Variants in RAPGEF4 observed in about 807,000 individuals in gnomAD.
The protein encoded by RAPGEF4 is RAP guanine-nucleotide-exchange factor (GEF) 4.
RAPGEF4 carries 66 observed loss-of-function variants against 147.9 expected under a neutral mutation model. That is an observed-to-expected ratio of 0.45 (90% CI 0.37 to 0.55). The LOEUF (loss-of-function observed/expected upper bound fraction) is 0.55. Ranked by LOEUF, RAPGEF4 falls within the 20% of genes least tolerant of loss-of-function variation. RAPGEF4 has a pLI of 0.00. For missense variants in RAPGEF4, 1,071 were observed against 1,257.3 expected, an observed-to-expected ratio of 0.85 and a Z score of 2.24; for synonymous variants, 419 against 442.7, an observed-to-expected ratio of 0.95 and a Z score of 0.67.
intron 4 of RAPGEF4, among the ~76,000 whole-genome samples, chr2:172,846,406 A>G (rs548058564): frequency 1.3e-5 from 2 of 152,318 alleles, no homozygotes; most frequent in South Asian, 2.1e-4. Context: ...ATGATGGAGC[A>G]TGTGTCAGGA....
intron 25 of RAPGEF4, among the ~76,000 whole-genome samples, chr2:173,028,424 A>G (rs1024264194): frequency 6.6e-6 from 1 of 152,234 alleles, no homozygotes; most frequent in African/African-American, 2.4e-5. Flanking sequence ...TTAGCCTGGC[A>G]GTGCCCAATG....
At chr2:172,984,271 A>C (rs375412666) in intron 11 of RAPGEF4, among the ~76,000 whole-genome samples, 3 of 152,150 alleles carry the variant, frequency 2.0e-5, no homozygotes, top group Non-Finnish European at 4.4e-5. Context: ...ACTTTCACAG[A>C]GTATATACTG....
At chr2:172,872,410 C>G (rs1695342552) in intron 4 of RAPGEF4, among the ~76,000 whole-genome samples, 1 of 152,102 alleles carries the variant, frequency 6.6e-6, no homozygotes, top group African/African-American at 2.4e-5. Flanking sequence ...TGCTAGTTGC[C>G]AAGCCCAGGG....
At chr2:172,861,273 A>C (rs1694015241) in intron 4 of RAPGEF4, among the ~76,000 whole-genome samples, 1 of 152,202 alleles carries the variant, frequency 6.6e-6, no homozygotes, top group South Asian at 2.1e-4. Flanking sequence ...CAGAGGAGAC[A>C]CTACTTAAGT....
Position 172,776,148 on chromosome 2 carries a change from T to C in RAPGEF4, c.66-18877T>C, listed in dbSNP as rs148689132. 2.3e-3 allele frequency among the ~76,000 whole-genome samples: 350 copies of C among 152,348 alleles called. 2 individuals are homozygous for C. The highest frequency in any genetic ancestry group is 8.1e-3 in the African/African-American group (337 of 41,578). On this transcript the variant is annotated intron_variant, in intron 1 of 30. Transcript: ENST00000397081. ...ATGTAACTCCTCTTAGAACATAGATTTTTCTAAATCTGGATAGAATCTCAG... is the reference window on the plus strand; with the variant it reads ...ATGTAACTCCTCTTAGAACATAGATCTTTCTAAATCTGGATAGAATCTCAG...
intron 1 of RAPGEF4, 57 bp downstream of exon 1, chr2:172,736,105 G>T (rs1046742322): frequency 4.5e-5 from 60 of 1,344,556 alleles, no homozygotes; most frequent in Non-Finnish European, 4.9e-5. Context: ...CCCGGGCCCT[G>T]AGACCGCCGC....
chr2:172,905,754 A>C (rs1699560649), intron 4 of RAPGEF4, among the ~76,000 whole-genome samples: 1 of 152,240 alleles, frequency 6.6e-6, no homozygotes, highest in Non-Finnish European at 1.5e-5. Context: ...ATTGACAAGC[A>C]GAATTTTGCT....
At position 172,961,121 on chromosome 2, in the gene RAPGEF4, G is replaced by C; in HGVS notation, c.592-1G>C. 6.3e-7 allele frequency: 1 copy of C among 1,595,228 alleles called. No individual in the cohort carries two copies. The highest frequency in any genetic ancestry group is 8.6e-7 in the Non-Finnish European group (1 of 1,162,906). Reference sequence around the variant, plus strand: ...CCTCCTTCCACCTGATTACAATCCAGGTCCCTTCAGAGAAGATCCTCAGAG... The same window carrying C: ...CCTCCTTCCACCTGATTACAATCCACGTCCCTTCAGAGAAGATCCTCAGAG... On this transcript the variant is annotated splice_acceptor_variant, in intron 7 of 30. Transcript: ENST00000397081. LOFTEE classifies it high-confidence loss of function.
At chr2:172,869,364 T>G (rs1168664353) in intron 4 of RAPGEF4, among the ~76,000 whole-genome samples, 1 of 152,236 alleles carries the variant, frequency 6.6e-6, no homozygotes, top group Non-Finnish European at 1.5e-5. Flanking sequence ...AGGAATAATT[T>G]TGAGCATCTG....
chr2:172,975,301 A>G (rs1232432540), intron 10 of RAPGEF4, among the ~76,000 whole-genome samples: 1 of 152,188 alleles, frequency 6.6e-6, no homozygotes, highest in African/African-American at 2.4e-5. Context: ...ACCACAAACA[A>G]AACTTAATCA....
chr2:173,001,435 T>A lies in RAPGEF4; in HGVS notation c.1658+91T>A, dbSNP rs373556541. The A allele has an allele frequency of 6.6e-6, 10 of 1,521,420 alleles. No homozygotes were observed. In the African/African-American group the frequency reaches 6.9e-5, roughly 10 times the overall value. 94.2% of individuals were successfully genotyped at this position (1,521,420 alleles called of 1,614,324 possible). A position where few individuals can be genotyped will look rare whatever the true frequency, so the allele number is the denominator to read the frequency against. ...TCTTATCTCATCTTCTGCAGGTAAG[T>A]CATGGCCCAGGCAGAGTTGTGCATT... On this transcript the variant is annotated intron_variant, in intron 17 of 30. Transcript: ENST00000397081.
At chr2:172,931,927 G>A (rs1211803776) in intron 6 of RAPGEF4, among the ~76,000 whole-genome samples, 1 of 151,872 alleles carries the variant, frequency 6.6e-6, no homozygotes, top group Non-Finnish European at 1.5e-5. Context: ...ACTGAAACAG[G>A]TAATGCTTCC....
At chr2:172,995,250 TGTGTG>T (rs1693223286) in intron 15 of RAPGEF4, among the ~76,000 whole-genome samples, 1 of 5,842 alleles carries the variant, frequency 1.7e-4, no homozygotes, top group Non-Finnish European at 2.4e-3. Context: ...CCTGTTTGTG[TGTGTG>T]TGTGTGTGTG....
chr2:173,007,833 A>G (rs534275438), intron 17 of RAPGEF4, among the ~76,000 whole-genome samples: 2 of 152,162 alleles, frequency 1.3e-5, no homozygotes, highest in African/African-American at 4.8e-5. Flanking sequence ...AGATTATAGT[A>G]AAAAAAAGCA....
In RAPGEF4 at chr2:172,797,467, T is replaced by A. The variant is rs1329920300; in HGVS notation, c.209-58T>A. On this transcript the variant is annotated intron_variant, in intron 2 of 30. Coordinates refer to ENST00000397081, the MANE Select transcript of RAPGEF4 (RefSeq NM_007023.4). ...CTTGGACCAGTGAAAAACTGGCAGA[T>A]CATATAGTAAAACCAAGTTGTATCT... The A allele has an allele frequency of 3.6e-6, 5 of 1,397,628 alleles. No homozygotes were observed. In the East Asian group the frequency reaches 1.2e-4, roughly 34 times the overall value. 86.6% of individuals were successfully genotyped at this position (1,397,628 alleles called of 1,614,324 possible). A position where few individuals can be genotyped will look rare whatever the true frequency, so the allele number is the denominator to read the frequency against.
intron 4 of RAPGEF4, among the ~76,000 whole-genome samples, chr2:172,879,370 A>G (rs1485911010): frequency 1.3e-5 from 2 of 152,204 alleles, no homozygotes; most frequent in Non-Finnish European, 2.9e-5. Flanking sequence ...ATAGCTTTGT[A>G]TATATACTTA....
intron 23 of RAPGEF4, among the ~76,000 whole-genome samples, chr2:173,025,405 T>A (rs532909036): frequency 2.0e-5 from 3 of 152,382 alleles, no homozygotes; most frequent in Admixed American, 6.5e-5. Context: ...ATGGATAGTA[T>A]CTAAATATAG....
intron 23 of RAPGEF4, among the ~76,000 whole-genome samples, chr2:173,024,427 C>T (rs1272733334): frequency 1.3e-5 from 2 of 150,890 alleles, no homozygotes; most frequent in Non-Finnish European, 3.0e-5. Flanking sequence ...CCGTTTTAGC[C>T]AGGATGGTCT....
rs1006023847 is a variant in RAPGEF4, at chr2:173,001,959, T to C, written c.1658+615T>C. 4.9e-5 allele frequency among the ~76,000 whole-genome samples: 6 copies of C among 122,774 alleles called. No individual in the cohort carries two copies. The South Asian group carries it at 1.1e-3, about 22-fold the overall frequency. The allele number at this position is 122,774 out of a possible 152,430, so 80.5% of individuals were successfully genotyped here. On this transcript the variant is annotated intron_variant, in intron 17 of 30. Transcript: ENST00000397081. ...CTGTACCATTATCTGTGCAGAGAAGTGTGAACCAGCTTACCACAGGAAGGT... is the reference window on the plus strand; with the variant it reads ...CTGTACCATTATCTGTGCAGAGAAGCGTGAACCAGCTTACCACAGGAAGGT...
Sources: allele counts gnomAD v4.1 joint callset (sites outside exome capture counted in the v4.1 genomes callset), GRCh38; gene constraint gnomAD v4.1.1; transcripts MANE v1.5; gene names NCBI Gene and HGNC (gene_info 2026-07-23, HGNC 2026-07-21).